CBFB: variants seen among roughly 807,000 people sequenced by gnomAD.
CBFB encodes the protein CBF-beta.
In CBFB, 9 loss-of-function variants were observed where a neutral mutation model predicts 30.4. The ratio of observed to expected loss-of-function variants is 0.30; its 90% CI spans 0.18 to 0.52. The LOEUF (loss-of-function observed/expected upper bound fraction) is 0.52, where lower values mean the gene tolerates loss of function less well. CBFB is among the 20% of genes least tolerant of loss of function. The pLI is 0.97. For missense variants in CBFB, 170 were observed against 244.0 expected, an observed-to-expected ratio of 0.70 and a Z score of 2.02; for synonymous variants, 94 against 84.0, an observed-to-expected ratio of 1.12 and a Z score of -0.65.
intron 3 of CBFB, among the ~76,000 whole-genome samples, chr16:67,062,875 C>T (rs1240018193): frequency 1.3e-5 from 2 of 152,064 alleles, no homozygotes; most frequent in Non-Finnish European, 2.9e-5. Flanking sequence ...TCATTTATGA[C>T]TAATATAAAA....
At chr16:67,048,315 T>A (rs1258582698) in intron 3 of CBFB, among the ~76,000 whole-genome samples, 1 of 152,112 alleles carries the variant, frequency 6.6e-6, no homozygotes, top group Admixed American at 6.5e-5. Flanking sequence ...AAGGTTAAAA[T>A]ATCCATCCTG....
intron 3 of CBFB, among the ~76,000 whole-genome samples, chr16:67,061,892 T>C (rs9930530): frequency 0.21 from 32,291 of 151,596 alleles, 6,776 homozygotes; most frequent in African/African-American, 0.55. Flanking sequence ...ATTAGCGGTG[T>C]GTGGTGGTAG....
chr16:67,042,496 G>A (rs1394017869), intron 3 of CBFB, among the ~76,000 whole-genome samples: 1 of 152,164 alleles, frequency 6.6e-6, no homozygotes, highest in Non-Finnish European at 1.5e-5. Context: ...CCACAGTCAA[G>A]ATATATTTCA....
At chr16:67,092,980 G>A (rs552773417) in intron 5 of CBFB, among the ~76,000 whole-genome samples, 2 of 152,176 alleles carry the variant, frequency 1.3e-5, no homozygotes, top group South Asian at 4.1e-4. Flanking sequence ...TCCAAAGTGT[G>A]GGGATTACAG....
chr16:67,100,160 A>C lies in CBFB; in HGVS notation c.*1382A>C, dbSNP rs1567629135. ...GGTCACATTTATTAAATGTTACTACATTTCTGAATTTTTGAAAAATGTATT... is the reference window on the plus strand; with the variant it reads ...GGTCACATTTATTAAATGTTACTACCTTTCTGAATTTTTGAAAAATGTATT... On this transcript the variant is annotated 3_prime_UTR_variant, in exon 6 of 6. Coordinates refer to ENST00000412916, the MANE Select transcript of CBFB (RefSeq NM_022845.3). 4.7e-6 allele frequency: 1 copy of C among 210,660 alleles called. No homozygotes were observed. 13.0% of individuals were successfully genotyped at this position (210,660 alleles called of 1,614,324 possible).
intron 3 of CBFB, among the ~76,000 whole-genome samples, chr16:67,064,101 C>A (rs950652932): frequency 6.6e-6 from 1 of 152,180 alleles, no homozygotes; most frequent in Non-Finnish European, 1.5e-5. Context: ...TTCCCACTTC[C>A]TCTGCATTAA....
chr16:67,045,569 T>C (rs1013435141), intron 3 of CBFB, among the ~76,000 whole-genome samples: 4 of 152,070 alleles, frequency 2.6e-5, no homozygotes, highest in Non-Finnish European at 4.4e-5. Flanking sequence ...TACCTTCCAG[T>C]TAGAGTACGT....
At chr16:67,083,434 T>C (rs1027797525) in intron 5 of CBFB, among the ~76,000 whole-genome samples, 12 of 152,018 alleles carry the variant, frequency 7.9e-5, no homozygotes, top group African/African-American at 2.9e-4. Context: ...TAGCTGGGAT[T>C]ACAGGCGCAC....
chr16:67,041,316 T>A (rs758299568), intron 3 of CBFB, among the ~76,000 whole-genome samples: 21 of 152,078 alleles, frequency 1.4e-4, no homozygotes, highest in South Asian at 1.0e-3. Context: ...TAATAATAGG[T>A]TATAGGGGGC....
chr16:67,045,550 A>G (rs1281732576), intron 3 of CBFB, among the ~76,000 whole-genome samples: 1 of 152,052 alleles, frequency 6.6e-6, no homozygotes, highest in Non-Finnish European at 1.5e-5. Context: ...TAAAATTAGT[A>G]TGTCATAGTA....
intron 5 of CBFB, among the ~76,000 whole-genome samples, chr16:67,091,670 C>T (rs891470913): frequency 3.3e-5 from 5 of 152,188 alleles, no homozygotes; most frequent in Non-Finnish European, 7.3e-5. Flanking sequence ...GAACAGCTCT[C>T]GCAGTCTGCT....
intron 3 of CBFB, among the ~76,000 whole-genome samples, chr16:67,054,930 A>ATTT (rs751572190): frequency 1.7e-4 from 21 of 122,748 alleles, no homozygotes; most frequent in African/African-American, 5.8e-4. Flanking sequence ...AATTTTTTGT[A>ATTT]TTTTTTTTTT....
chr16:67,076,857 C>G (rs184983246), intron 4 of CBFB, among the ~76,000 whole-genome samples: 2 of 151,808 alleles, frequency 1.3e-5, no homozygotes, highest in East Asian at 3.9e-4. Context: ...TAGCATAGTT[C>G]TTGAGACTCA....
At chr16:67,095,160 A>C (rs1210286525) in intron 5 of CBFB, among the ~76,000 whole-genome samples, 2 of 140,972 alleles carry the variant, frequency 1.4e-5, no homozygotes, top group African/African-American at 5.3e-5. Context: ...CAGTGAGTTG[A>C]GATCAGGCCA....
At chr16:67,043,894 A>G (rs1966578107) in intron 3 of CBFB, among the ~76,000 whole-genome samples, 1 of 152,238 alleles carries the variant, frequency 6.6e-6, no homozygotes, top group South Asian at 2.1e-4. Context: ...GGAACACTAC[A>G]TCTTTCCCAA....
chr16:67,064,599 A>G (rs1174972787), intron 3 of CBFB, among the ~76,000 whole-genome samples: 1 of 152,174 alleles, frequency 6.6e-6, no homozygotes, highest in East Asian at 1.9e-4. Flanking sequence ...TATATTGTTT[A>G]TCTCTATCAC....
Position 67,099,099 on chromosome 16 carries a change from A to C in CBFB, c.*321A>C. The stretch of plus-strand genomic sequence containing the variant: ...TTCTTCCACTTTAATTTAAAAGTTC[A>C]TGTCATTTAAAAACAAGTCAAGAAA... On this transcript the variant is annotated 3_prime_UTR_variant, in exon 6 of 6. Transcript: ENST00000412916. 1 of 292,726 alleles carries C rather than the reference A, an allele frequency of 3.4e-6. No homozygotes were observed. 18.1% of individuals were successfully genotyped at this position (292,726 alleles called of 1,614,324 possible).
chr16:67,095,690 G>GTTT (rs869266505), intron 5 of CBFB, among the ~76,000 whole-genome samples: 9 of 124,128 alleles, frequency 7.3e-5, no homozygotes, highest in Non-Finnish European at 1.4e-4. Flanking sequence ...GACCTCATCT[G>GTTT]TTTTTTTTTT....
chr16:67,100,397 C>T lies in CBFB; in HGVS notation c.*1619C>T, dbSNP rs1597169193. 2 of 222,344 alleles carry T rather than the reference C, an allele frequency of 9.0e-6. No individual in the cohort carries two copies. Among genetic ancestry groups the T allele is most frequent in the Non-Finnish European group, 1.8e-5 (2 of 111,104 alleles). 13.8% of individuals were successfully genotyped at this position (222,344 alleles called of 1,614,324 possible). A position where few individuals can be genotyped will look rare whatever the true frequency, so the allele number is the denominator to read the frequency against. ...TATTTGTTATATATTTGAAGTTATG[C>T]ATGGAAAGGAGTGTGTTTAAATTGT... On this transcript the variant is annotated 3_prime_UTR_variant, in exon 6 of 6. Coordinates refer to ENST00000412916, the MANE Select transcript of CBFB (RefSeq NM_022845.3).
Sources: gnomAD v4.1 joint callset for allele counts (sites outside exome capture counted in the v4.1 genomes callset) on GRCh38, gnomAD v4.1.1 for gene constraint, MANE v1.5 for transcripts, NCBI Gene and HGNC (gene_info 2026-07-23, HGNC 2026-07-21) for gene names.